TMCO4: variants seen among roughly 807,000 people sequenced by gnomAD.
TMCO4 encodes transmembrane and coiled-coil domain-containing protein 4.
TMCO4 carries 58 observed loss-of-function variants against 64.7 expected under a neutral mutation model. The observed-to-expected ratio is 0.90, with a 90% CI of 0.73 to 1.12. The LOEUF (loss-of-function observed/expected upper bound fraction) is 1.12. Among genes scored for constraint, TMCO4 ranks in the 50% most tolerant of loss-of-function variants. The probability of loss-of-function intolerance (pLI) is 0.00; values close to 1 mark genes in which losing one functional copy is unlikely to be tolerated. For missense variants in TMCO4, 780 were observed against 825.9 expected (o/e 0.94, Z 0.68); for synonymous variants, 325 against 346.1 (o/e 0.94, Z 0.68).
At chr1:19,761,760 T>C (rs551923636) in intron 6 of TMCO4, among the ~76,000 whole-genome samples, 43 of 152,330 alleles carry the variant, frequency 2.8e-4, no homozygotes, top group African/African-American at 1.0e-3. Flanking sequence ...CTCCCAGTGA[T>C]TCTGAAACAG....
In TMCO4 at chr1:19,743,065, TAAA is replaced by T. The variant is rs1570854325; in HGVS notation, c.878-2127_878-2125del. ...CTCCGTCTCCAAAAGAAAATAAAAA[TAAA>T]AAAAATAAAAAGGCGTTGTATAAAC... On this transcript the variant is annotated intron_variant, in intron 10 of 15. Coordinates refer to ENST00000294543, the MANE Select transcript of TMCO4 (RefSeq NM_181719.7). The surrounding 1 kb of genome is among the most constrained non-coding windows in gnomAD (Gnocchi z 4.1). Among the ~76,000 whole-genome samples, 1 of 151,678 alleles carries T rather than the reference TAAA, an allele frequency of 6.6e-6. No individual in the cohort carries two copies. Among genetic ancestry groups the T allele is most frequent in the South Asian group, 2.1e-4 (1 of 4,784 alleles).
chr1:19,703,741 T>A (rs993877486), intron 13 of TMCO4, among the ~76,000 whole-genome samples: 3 of 151,614 alleles, frequency 2.0e-5, no homozygotes, highest in African/African-American at 4.8e-5. Context: ...AGAGATGGGG[T>A]TTCACCACGT....
chr1:19,689,586 G>C (rs1251389936), intron 15 of TMCO4, among the ~76,000 whole-genome samples: 1 of 152,258 alleles, frequency 6.6e-6, no homozygotes, highest in Non-Finnish European at 1.5e-5. Context: ...ACCAGTGGCA[G>C]AGCCAGGATT....
At chr1:19,792,258 A>G (rs1025392005) in intron 2 of TMCO4, among the ~76,000 whole-genome samples, 2 of 152,230 alleles carry the variant, frequency 1.3e-5, no homozygotes, top group African/African-American at 4.8e-5. Context: ...CAATATAGAT[A>G]TAGAGTGAGA....
intron 7 of TMCO4, among the ~76,000 whole-genome samples, chr1:19,748,662 T>C (rs1051502637): frequency 2.0e-5 from 3 of 151,994 alleles, no homozygotes; most frequent in Non-Finnish European, 4.4e-5. Context: ...CCATCTCTAC[T>C]AAAAACACAA....
At chr1:19,707,425 C>A (rs1168517725) in intron 13 of TMCO4, among the ~76,000 whole-genome samples, 1 of 152,232 alleles carries the variant, frequency 6.6e-6, no homozygotes, top group Non-Finnish European at 1.5e-5. Context: ...CAGTTTGAGA[C>A]CAGTCTGGCC....
chr1:19,737,227 A>G, intron 13 of TMCO4, 145 bp downstream of exon 13: 1 of 815,580 alleles, frequency 1.2e-6, no homozygotes, highest in South Asian at 2.1e-5. Flanking sequence ...ATTTTTCTTG[A>G]TTTTTAAACT....
chr1:19,734,608 G>A lies in TMCO4; in HGVS notation c.1264+2764C>T, dbSNP rs1187297648. 2.0e-5 allele frequency among the ~76,000 whole-genome samples: 3 copies of A among 151,932 alleles called. No individual in the cohort carries two copies. The highest frequency in any genetic ancestry group is 4.4e-5 in the Non-Finnish European group (3 of 67,974). On this transcript the variant is annotated intron_variant, in intron 13 of 15. Transcript: ENST00000294543. The surrounding 1 kb of genome is among the most constrained non-coding windows in gnomAD (Gnocchi z 4.4). Reference sequence around the variant, plus strand: ...GCATTTCCCACCAACCCACCTGGGGGGCCTCTTACGTGGGCTGCAGAGACA... The same window carrying A: ...GCATTTCCCACCAACCCACCTGGGGAGCCTCTTACGTGGGCTGCAGAGACA...
chr1:19,714,680 T>G (rs1457668413), intron 13 of TMCO4, among the ~76,000 whole-genome samples: 7 of 152,294 alleles, frequency 4.6e-5, no homozygotes, highest in East Asian at 3.9e-4. Flanking sequence ...CCCACCACTT[T>G]GGGTGGCTGA....
chr1:19,790,372 T>C (rs1320557012), intron 2 of TMCO4, among the ~76,000 whole-genome samples: 1 of 151,870 alleles, frequency 6.6e-6, no homozygotes. Context: ...ATCATCAGAG[T>C]GAACAGGCAA....
chr1:19,751,049 A>T (rs768233311), intron 7 of TMCO4, among the ~76,000 whole-genome samples: 31 of 152,232 alleles, frequency 2.0e-4, no homozygotes, highest in Admixed American at 1.3e-4. Context: ...TCCTCCAGGG[A>T]TTCTGCTGTA....
intron 2 of TMCO4, among the ~76,000 whole-genome samples, chr1:19,796,555 A>G (rs4654859): frequency 0.89 from 134,934 of 152,152 alleles, 59,928 homozygotes; most frequent in African/African-American, 0.92. Flanking sequence ...CCTCTAACCC[A>G]ACCCTTTGTG....
At chr1:19,724,220 G>C (rs1433463286) in intron 13 of TMCO4, among the ~76,000 whole-genome samples, 1 of 152,226 alleles carries the variant, frequency 6.6e-6, no homozygotes, top group Non-Finnish European at 1.5e-5. Context: ...CATAGCCTTG[G>C]AAAAATCCAT....
At chr1:19,735,064 G>T (rs543173254) in intron 13 of TMCO4, among the ~76,000 whole-genome samples, 17 of 152,248 alleles carry the variant, frequency 1.1e-4, no homozygotes, top group African/African-American at 3.6e-4. Context: ...CACTAGGGGG[G>T]CGGCAGGGCT....
chr1:19,787,945 C>T (rs548283022), intron 2 of TMCO4, among the ~76,000 whole-genome samples: 3 of 152,086 alleles, frequency 2.0e-5, no homozygotes, highest in Admixed American at 6.5e-5. Flanking sequence ...TTAGTAGAGA[C>T]GGGGTTTTGC....
chr1:19,757,347 C>T (rs976575825), intron 6 of TMCO4, among the ~76,000 whole-genome samples: 1 of 152,168 alleles, frequency 6.6e-6, no homozygotes, highest in Non-Finnish European at 1.5e-5. Flanking sequence ...TGGCCCCTCC[C>T]TCCAGTCACT....
intron 15 of TMCO4, among the ~76,000 whole-genome samples, chr1:19,688,985 G>A (rs1038894741): frequency 2.0e-5 from 3 of 152,202 alleles, no homozygotes; most frequent in African/African-American, 7.2e-5. Flanking sequence ...CCTGTGAGGA[G>A]AGACTGAGGG....
At chr1:19,784,626 C>T (rs1480268078) in intron 3 of TMCO4, among the ~76,000 whole-genome samples, 1 of 152,124 alleles carries the variant, frequency 6.6e-6, no homozygotes, top group East Asian at 1.9e-4. Flanking sequence ...GCATTCTCTA[C>T]ATAGTGGCCT....
chr1:19,765,437 C>T (rs1287108614), intron 6 of TMCO4, among the ~76,000 whole-genome samples: 3 of 90,966 alleles, frequency 3.3e-5, no homozygotes, highest in African/African-American at 2.3e-4. Flanking sequence ...ACCTAGAGGA[C>T]ATTGGCAACC....
Sources: allele counts gnomAD v4.1 joint callset (sites outside exome capture counted in the v4.1 genomes callset), GRCh38; gene constraint gnomAD v4.1.1; non-coding constraint Gnocchi (gnomAD v3.1); transcripts MANE v1.5; gene names NCBI Gene and HGNC (gene_info 2026-07-23, HGNC 2026-07-21).